RANBP9: variants seen among roughly 807,000 people sequenced by gnomAD.
RANBP9 encodes RAN binding protein 9.
In RANBP9, 15 loss-of-function variants were observed where a neutral mutation model predicts 84.3. The ratio of observed to expected loss-of-function variants is 0.18; its 90% CI spans 0.12 to 0.27. The LOEUF is 0.27. RANBP9 is among the 10% of genes least tolerant of loss of function. The pLI is 1.00. For missense variants in RANBP9, 809 were observed against 912.8 expected, an observed-to-expected ratio of 0.89 and a Z score of 1.46; for synonymous variants, 392 against 349.6, an observed-to-expected ratio of 1.12 and a Z score of -1.35.
chr6:13,682,719 T>C (rs1229950602), intron 2 of RANBP9, among the ~76,000 whole-genome samples: 1 of 152,174 alleles, frequency 6.6e-6, no homozygotes, highest in Non-Finnish European at 1.5e-5. Flanking sequence ...CCCAAATTAC[T>C]GATATTTTAA....
intron 2 of RANBP9, among the ~76,000 whole-genome samples, chr6:13,689,555 T>G (rs141558044): frequency 2.2e-3 from 335 of 152,290 alleles, no homozygotes; most frequent in African/African-American, 7.5e-3. Flanking sequence ...ATTACAGGCA[T>G]GAGCCACCAC....
rs371539989 is a variant in RANBP9, at chr6:13,678,246, T to C, written c.683+18539A>G. Among the ~76,000 whole-genome samples the C allele has an allele frequency of 3.9e-5, 6 of 152,228 alleles. No homozygotes were observed. In the East Asian group the frequency reaches 5.8e-4, roughly 15 times the overall value. The stretch of plus-strand genomic sequence containing the variant: ...AAAAGAAATGAGAACTTATAAAAAA[T>C]AATAAAGAACCAAAAGGAAAGCAAT... On this transcript the variant is annotated intron_variant, in intron 2 of 13. Transcript: ENST00000011619.
At chr6:13,626,524 G>A (rs1340809389) in intron 12 of RANBP9, among the ~76,000 whole-genome samples, 1 of 152,108 alleles carries the variant, frequency 6.6e-6, no homozygotes, top group Non-Finnish European at 1.5e-5. Context: ...TTTGTATGAG[G>A]ACTAAATGAA....
chr6:13,710,968 G>A lies in RANBP9; in HGVS notation c.538C>T (p.Leu180Phe), dbSNP rs528028841. The stretch of plus-strand genomic sequence containing the variant: ...TGCACCCGCAGGTTGTTCTGAGAGA[G>A]GCCGATGTAGCTGAACTTGTCCTTC... Reference protein sequence around the residue: ...SPKDKFSYIGLSQNNLRVHYK... With the variant: ...SPKDKFSYIGFSQNNLRVHYK... Residue 180 changes from leucine to phenylalanine, a missense_variant, in exon 1 of 14, where the codon CTC becomes TTC. Leu to Phe is a conservative substitution (Grantham distance 22). Around this residue, in one of 5 missense-constraint regions of RANBP9, gnomAD observed 302 missense variants for 240.1 expected, o/e 1.26. Coordinates refer to ENST00000011619, the MANE Select transcript of RANBP9 (RefSeq NM_005493.3). 4.3e-6 allele frequency: 7 copies of A among 1,610,046 alleles called. No individual in the cohort carries two copies. The highest frequency in any genetic ancestry group is 1.1e-5 in the South Asian group (1 of 90,376).
intron 2 of RANBP9, among the ~76,000 whole-genome samples, chr6:13,678,052 A>T (rs968736767): frequency 1.3e-5 from 2 of 152,202 alleles, no homozygotes; most frequent in Admixed American, 6.5e-5. Context: ...CAGGAGTTCA[A>T]GGCTGCAGTG....
intron 1 of RANBP9, among the ~76,000 whole-genome samples, chr6:13,708,893 A>G (rs1346212037): frequency 6.6e-6 from 1 of 152,134 alleles, no homozygotes; most frequent in Non-Finnish European, 1.5e-5. Context: ...AAAGGGAAAA[A>G]GACTTTCTGA....
chr6:13,681,203 G>C (rs375763878), intron 2 of RANBP9, among the ~76,000 whole-genome samples: 2 of 152,076 alleles, frequency 1.3e-5, no homozygotes, highest in African/African-American at 4.8e-5. Flanking sequence ...TAACATTCTG[G>C]CTTCAAAAGG....
intron 10 of RANBP9, 107 bp from the exon 11 acceptor site, chr6:13,634,659 G>A (rs1584913894): frequency 1.9e-6 from 2 of 1,058,766 alleles, no homozygotes; most frequent in East Asian, 2.8e-5. Context: ...AATTTCATAA[G>A]GCAACAGAAA....
Position 13,705,427 on chromosome 6 carries a change from A to AG in RANBP9, c.571+5507_571+5508insC, listed in dbSNP as rs1584951892. Among the ~76,000 whole-genome samples, 4 of 150,810 alleles carry AG rather than the reference A, an allele frequency of 2.7e-5. No homozygotes were observed. In the East Asian group the frequency reaches 7.8e-4, roughly 29 times the overall value. ...GTCTCAAAAAAAAAAAAAAAAAAAA[A>AG]AAAAAAAAGAATATACATTATTATT... is the stretch of plus-strand genomic sequence containing the variant. On this transcript the variant is annotated intron_variant, in intron 1 of 13. Coordinates refer to ENST00000011619, the MANE Select transcript of RANBP9 (RefSeq NM_005493.3).
intron 12 of RANBP9, among the ~76,000 whole-genome samples, chr6:13,626,436 T>C (rs1489685267): frequency 1.3e-5 from 2 of 152,242 alleles, no homozygotes; most frequent in Non-Finnish European, 2.9e-5. Flanking sequence ...ACTGGCTGTG[T>C]AGCCTTTGGC....
Position 13,622,240 on chromosome 6 carries a change from A to C in RANBP9, c.*122T>G. ...ATGCTGTAAACTAGGAAGCAATGTA[A>C]AGCGACAAAAACCTGTCCCCAGTAC... On this transcript the variant is annotated 3_prime_UTR_variant, in exon 14 of 14. Transcript: ENST00000011619. 2 of 1,041,560 alleles carry C rather than the reference A, an allele frequency of 1.9e-6. No individual in the cohort carries two copies. Among genetic ancestry groups the C allele is most frequent in the Non-Finnish European group, 2.5e-6 (2 of 787,094 alleles). The allele number at this position is 1,041,560 out of a possible 1,614,324, so 64.5% of individuals were successfully genotyped here.
chr6:13,648,690 T>C (rs1404032276), intron 5 of RANBP9, among the ~76,000 whole-genome samples: 1 of 152,224 alleles, frequency 6.6e-6, no homozygotes, highest in Non-Finnish European at 1.5e-5. Context: ...ATAGCACAGC[T>C]TTGGTCTACA....
intron 2 of RANBP9, among the ~76,000 whole-genome samples, chr6:13,672,574 C>T (rs1371471743): frequency 1.3e-5 from 2 of 152,024 alleles, no homozygotes; most frequent in Non-Finnish European, 2.9e-5. Context: ...TAAAATCTCA[C>T]ATTAAACACC....
intron 13 of RANBP9, among the ~76,000 whole-genome samples, chr6:13,623,464 G>A (rs1024548071): frequency 1.3e-5 from 2 of 152,144 alleles, no homozygotes; most frequent in Admixed American, 6.6e-5. Flanking sequence ...AGCAAATTCA[G>A]GACTTAAAGG....
At chr6:13,645,979 T>A (rs1403844574) in intron 5 of RANBP9, among the ~76,000 whole-genome samples, 1 of 152,132 alleles carries the variant, frequency 6.6e-6, no homozygotes, top group African/African-American at 2.4e-5. Flanking sequence ...TGGAAATAAA[T>A]GGTTAAAGCA....
intron 2 of RANBP9, among the ~76,000 whole-genome samples, chr6:13,684,841 A>T (rs1312202694): frequency 6.6e-6 from 1 of 152,176 alleles, no homozygotes; most frequent in African/African-American, 2.4e-5. Flanking sequence ...TCTTGTTTGG[A>T]GGTGAAAAGG....
At chr6:13,694,170 CTAGA>C (rs1355824704) in intron 2 of RANBP9, among the ~76,000 whole-genome samples, 2 of 152,200 alleles carry the variant, frequency 1.3e-5, no homozygotes, top group African/African-American at 2.4e-5. Flanking sequence ...AATCCCACTC[CTAGA>C]TACTTACTCG....
chr6:13,662,144 T>G (rs1407161479), intron 2 of RANBP9, among the ~76,000 whole-genome samples: 1 of 151,772 alleles, frequency 6.6e-6, no homozygotes, highest in Admixed American at 6.6e-5. Flanking sequence ...GCACAGAAAA[T>G]GACAAAATAT....
chr6:13,697,015 A>G, intron 1 of RANBP9, 119 bp from the exon 2 acceptor site: 1 of 747,992 alleles, frequency 1.3e-6, no homozygotes, highest in East Asian at 2.7e-5. Flanking sequence ...TGCTCCTATC[A>G]GTTCAAATAC....
Sources: gnomAD v4.1 joint callset for allele counts (sites outside exome capture counted in the v4.1 genomes callset) on GRCh38, gnomAD v4.1.1 for gene constraint, gnomAD v4.1.1 regional missense constraint, MANE v1.5 for transcripts, NCBI Gene and HGNC (gene_info 2026-07-23, HGNC 2026-07-21) for gene names.